SPTAN1: variants seen among roughly 807,000 people sequenced by gnomAD.
SPTAN1 encodes spectrin alpha, non-erythrocytic 1.
SPTAN1 carries 61 observed loss-of-function variants against 331.3 expected under a neutral mutation model. The observed-to-expected ratio is 0.18, with a 90% CI of 0.15 to 0.23. SPTAN1 has a LOEUF of 0.23. Among genes scored for constraint, SPTAN1 ranks in the 10% least tolerant of loss-of-function variants. The probability of loss-of-function intolerance (pLI) is 1.00; values close to 1 mark genes in which losing one functional copy is unlikely to be tolerated. For missense variants in SPTAN1, 2,043 were observed against 3,147.9 expected, an observed-to-expected ratio of 0.65 and a Z score of 8.40; for synonymous variants, 1,153 against 1,173.9, an observed-to-expected ratio of 0.98 and a Z score of 0.36.
intron 21 of SPTAN1, 22 bp from the exon 22 acceptor site, chr9:128,591,455 G>T (rs745430813): frequency 1.2e-6 from 2 of 1,613,980 alleles, no homozygotes; most frequent in Admixed American, 1.7e-5. Context: ...TTTACTTTCA[G>T]TTCTCCCTCT....
intron 1 of SPTAN1, among the ~76,000 whole-genome samples, chr9:128,561,430 GAGGCAGGC>G (rs2132796432): frequency 1.3e-5 from 2 of 151,016 alleles, no homozygotes; most frequent in South Asian, 4.2e-4. Context: ...TTTGGAGGCC[GAGGCAGGC>G]AGATCACGAG....
At chr9:128,571,043 A>G (rs1424148988) in intron 3 of SPTAN1, among the ~76,000 whole-genome samples, 1 of 152,192 alleles carries the variant, frequency 6.6e-6, no homozygotes, top group African/African-American at 2.4e-5. Flanking sequence ...GAACTTTGGG[A>G]GGCCAAGGCT....
intron 41 of SPTAN1, among the ~76,000 whole-genome samples, chr9:128,616,890 C>T (rs1334661108): frequency 6.6e-6 from 1 of 152,114 alleles, no homozygotes; most frequent in Non-Finnish European, 1.5e-5. Context: ...CAAGATCGTG[C>T]CACTGCACTC....
At position 128,604,310 on chromosome 9, in the gene SPTAN1, T is replaced by C. The variant is rs375749920; in HGVS notation, c.3628-16T>C. On this transcript the variant is annotated splice_polypyrimidine_tract_variant and intron_variant, in intron 28 of 56. Coordinates refer to ENST00000372739, the MANE Select transcript of SPTAN1 (RefSeq NM_001130438.3). ...GAGAGGGAGTGCAGTGGAGCTGATG[T>C]TTTGCTGTCCTGCAGGAGCTGAATG... is the stretch of plus-strand genomic sequence containing the variant. The C allele has an allele frequency of 4.8e-5, 77 of 1,613,388 alleles. No individual in the cohort carries two copies. Among genetic ancestry groups the C allele is most frequent in the Non-Finnish European group, 6.3e-5 (74 of 1,179,626 alleles).
chr9:128,612,147 G>C lies in SPTAN1; in HGVS notation c.4944G>C (p.Leu1648Phe), dbSNP rs1341374409. 1 of 1,614,118 alleles carries C rather than the reference G, an allele frequency of 6.2e-7. No individual in the cohort carries two copies. Reference sequence around the variant, plus strand: ...CCTTAGCTGACCAGTGGCAGTTCTTGGTGCAAAAGTCAGCGGAAAAGAGCC... The same window carrying C: ...CCTTAGCTGACCAGTGGCAGTTCTTCGTGCAAAAGTCAGCGGAAAAGAGCC... ...LAALADQWQF[L>F]VQKSAEKSQK... is the part of the protein sequence containing the mutation. Residue 1648 changes from leucine (L) to phenylalanine (F), a missense_variant, in exon 39 of 57, where the codon TTG (leucine) becomes TTC (phenylalanine). Around this residue, in one of 12 missense-constraint regions of SPTAN1, gnomAD observed 323 missense variants for 581.1 expected, o/e 0.56. Coordinates refer to ENST00000372739, the MANE Select transcript of SPTAN1 (RefSeq NM_001130438.3).
intron 44 of SPTAN1, 28 bp from the exon 45 acceptor site, chr9:128,621,130 T>C: frequency 1.2e-6 from 2 of 1,608,258 alleles, no homozygotes; most frequent in Non-Finnish European, 1.7e-6. Context: ...AGGCTCTCAA[T>C]AGTGTGCCTT....
In SPTAN1 at chr9:128,633,219, G is replaced by A. The variant is rs141980692; in HGVS notation, c.7319G>A (p.Arg2440Gln). The A allele has an allele frequency of 3.9e-4, 634 of 1,613,974 alleles. 1 individual carries two copies. The highest frequency in any genetic ancestry group is 6.6e-4 in the Middle Eastern group (4 of 6,060). ...TKEELYQNLT[R>Q]EQADYCVSHM... The stretch of plus-strand genomic sequence containing the variant: ...TCTCTTACCCCACAGAACCTGACCC[G>A]GGAACAAGCCGACTACTGCGTCTCC... Residue 2440 changes from arginine (R) to glutamine (Q), a missense_variant, in exon 57 of 57, where the codon CGG becomes CAG. Arg to Gln is a conservative substitution (Grantham distance 43, BLOSUM62 1). Around this residue, in one of 12 missense-constraint regions of SPTAN1, gnomAD observed 88 missense variants for 96.5 expected, o/e 0.91. Coordinates refer to ENST00000372739, the MANE Select transcript of SPTAN1 (RefSeq NM_001130438.3).
Position 128,577,379 on chromosome 9 carries a change from C to T in SPTAN1, c.958C>T (p.Arg320Cys), listed in dbSNP as rs794727910. ...CAAAGCCCTGTGTGCTGAGGCTGAC[C>T]GCCTGCAACAGTCCCACCCTCTGAG... Reference protein sequence around the residue: ...KVKALCAEADRLQQSHPLSAT... With the variant: ...KVKALCAEADCLQQSHPLSAT... Residue 320 changes from arginine (R) to cysteine (C), a missense_variant, in exon 8 of 57, where the codon CGC becomes TGC. Physicochemically the swap from Arg to Cys is radical, Grantham distance 180. Around this residue, in one of 12 missense-constraint regions of SPTAN1, gnomAD observed 1,038 missense variants for 1,531.5 expected, o/e 0.68. Transcript: ENST00000372739. The surrounding 1 kb of genome is among the most constrained non-coding windows in gnomAD (Gnocchi z 4.2). The T allele has an allele frequency of 4.3e-6, 7 of 1,614,036 alleles. No individual in the cohort carries two copies. The highest frequency in any genetic ancestry group is 1.7e-5 in the Admixed American group (1 of 59,994).
chr9:128,627,553 C>A lies in SPTAN1; in HGVS notation c.6689+55C>A. The A allele has an allele frequency of 6.8e-7, 1 of 1,476,664 alleles. No individual in the cohort carries two copies. The highest frequency in any genetic ancestry group is 9.3e-7 in the Non-Finnish European group (1 of 1,079,404). The allele number at this position is 1,476,664 out of a possible 1,614,324, so 91.5% of individuals were successfully genotyped here. Reference sequence around the variant, plus strand: ...AGCATGTCCCTGCTGTACTTAAGCCCTGGGGAGCTTCCAGCCCCAAGGAGG... The same window carrying A: ...AGCATGTCCCTGCTGTACTTAAGCCATGGGGAGCTTCCAGCCCCAAGGAGG... On this transcript the variant is annotated intron_variant, in intron 50 of 56. Transcript: ENST00000372739. The surrounding 1 kb of genome is among the most constrained non-coding windows in gnomAD (Gnocchi z 4.9).
At chr9:128,600,974 C>CTTTTTTTTTTTT (rs60290370) in intron 27 of SPTAN1, among the ~76,000 whole-genome samples, 3,437 of 40,836 alleles carry the variant, frequency 0.084, 1,457 homozygotes, top group East Asian at 0.12. Flanking sequence ...GGGAGAAAGT[C>CTTTTTTTTTTTT]TTTTTTTTTT....
rs1038663556 is a variant in SPTAN1, at chr9:128,577,905, A to T, written c.1086-205A>T. Among the ~76,000 whole-genome samples, 1 of 152,178 alleles carries T rather than the reference A, an allele frequency of 6.6e-6. No homozygotes were observed. The highest frequency in any genetic ancestry group is 2.4e-5 in the African/African-American group (1 of 41,448). On this transcript the variant is annotated intron_variant, in intron 8 of 56. Coordinates refer to ENST00000372739, the MANE Select transcript of SPTAN1 (RefSeq NM_001130438.3). The surrounding 1 kb of genome is among the most constrained non-coding windows in gnomAD (Gnocchi z 4.2). Reference sequence around the variant, plus strand: ...CAGGATTGGGGCATTATAGTGATGGAGAGAACCTAAGTTTTAAAGGGTTGA... The same window carrying T: ...CAGGATTGGGGCATTATAGTGATGGTGAGAACCTAAGTTTTAAAGGGTTGA...
intron 46 of SPTAN1, 119 bp downstream of exon 46, chr9:128,624,606 C>G (rs1469745868): frequency 1.5e-6 from 2 of 1,315,466 alleles, no homozygotes; most frequent in Non-Finnish European, 2.1e-6. Context: ...GGCAGAGAAC[C>G]TACTACCAGG....
chr9:128,562,402 A>G (rs1849482218), intron 1 of SPTAN1, among the ~76,000 whole-genome samples: 1 of 152,030 alleles, frequency 6.6e-6, no homozygotes, highest in Non-Finnish European at 1.5e-5. Flanking sequence ...CGCCCAGCCG[A>G]GATCTGTATG....
At position 128,581,487 on chromosome 9, in the gene SPTAN1, AAC is replaced by A. The variant is rs1491457137; in HGVS notation, c.1462-293_1462-292del. ...GATCCTGTCTCACAAAAAAAAAAAA[AAC>A]AAACAAAAAAAACAAACCTTAGCAT... On this transcript the variant is annotated intron_variant, in intron 11 of 56. Coordinates refer to ENST00000372739, the MANE Select transcript of SPTAN1 (RefSeq NM_001130438.3). Among the ~76,000 whole-genome samples the A allele has an allele frequency of 0.02, 3,038 of 149,164 alleles. 73 individuals carry two copies. The highest frequency in any genetic ancestry group is 0.072 in the African/African-American group (2,840 of 39,636).
chr9:128,568,915 G>T lies in SPTAN1; in HGVS notation c.363+18G>T, dbSNP rs376019489. On this transcript the variant is annotated intron_variant, in intron 3 of 56. Coordinates refer to ENST00000372739, the MANE Select transcript of SPTAN1 (RefSeq NM_001130438.3). ...CCATACGGGTGAGTATGAGTAGCTC[G>T]TGGAGTGGATGGCTTCATCTGGGTG... The T allele has an allele frequency of 1.2e-6, 2 of 1,613,660 alleles. No individual in the cohort carries two copies. Among genetic ancestry groups the T allele is most frequent in the Non-Finnish European group, 1.7e-6 (2 of 1,179,782 alleles).
At chr9:128,616,772 A>AAAATAAT (rs1857218807) in intron 41 of SPTAN1, among the ~76,000 whole-genome samples, 1 of 151,976 alleles carries the variant, frequency 6.6e-6, no homozygotes, top group Non-Finnish European at 1.5e-5. Context: ...TAAAAAATAA[A>AAAATAAT]AATATAAAAA....
At position 128,578,191 on chromosome 9, in the gene SPTAN1, T is replaced by C. The variant is rs1851524078; in HGVS notation, c.1167T>C (p.Leu389=). The C allele has an allele frequency of 6.2e-6, 10 of 1,614,068 alleles. No individual in the cohort carries two copies. The highest frequency in any genetic ancestry group is 7.6e-6 in the Non-Finnish European group (9 of 1,180,036). Residue 389 remains leucine (L), a synonymous_variant, in exon 9 of 57, where the codon CTT becomes CTC. Coordinates refer to ENST00000372739, the MANE Select transcript of SPTAN1 (RefSeq NM_001130438.3). ...EMKALINADE[L]ASDVAGAEAL... The stretch of plus-strand genomic sequence containing the variant: ...AAGCCCTCATCAATGCAGATGAGCT[T>C]GCCAGTGATGTGGCTGGGGCTGAAG...
At chr9:128,565,056 G>A (rs1849856232) in intron 1 of SPTAN1, among the ~76,000 whole-genome samples, 1 of 152,206 alleles carries the variant, frequency 6.6e-6, no homozygotes, top group South Asian at 2.1e-4. Context: ...TGTAATTCCA[G>A]CCCTTTGGGA....
At chr9:128,604,539 G>A (rs1855575576) in intron 29 of SPTAN1, 122 bp downstream of exon 29, 6 of 937,000 alleles carry the variant, frequency 6.4e-6, no homozygotes, top group Non-Finnish European at 9.8e-6. Context: ...GTTTATTTGT[G>A]ACATGGGGTG....
Sources: gnomAD v4.1 joint callset for allele counts (sites outside exome capture counted in the v4.1 genomes callset) on GRCh38, gnomAD v4.1.1 for gene constraint, gnomAD v4.1.1 regional missense constraint, Gnocchi (gnomAD v3.1) non-coding constraint, MANE v1.5 for transcripts, NCBI Gene and HGNC (gene_info 2026-07-23, HGNC 2026-07-21) for gene names.